Variants in SLC8A1 observed in about 807,000 individuals in gnomAD.
The protein encoded by SLC8A1 is sodium/calcium exchanger 1.
SLC8A1 carries 18 observed loss-of-function variants against 68.3 expected under a neutral mutation model. That is an observed-to-expected ratio of 0.26 (90% CI 0.18 to 0.39). The LOEUF (loss-of-function observed/expected upper bound fraction) is 0.39, where lower values mean the gene tolerates loss of function less well. Ranked by LOEUF, SLC8A1 falls within the 10% of genes least tolerant of loss-of-function variation. SLC8A1 has a pLI of 1.00. For synonymous variants in SLC8A1, 475 were observed against 415.5 expected (o/e 1.14, Z -1.74); for missense variants, 985 against 1,156.7 (o/e 0.85, Z 2.15).
intron 4 of SLC8A1, among the ~76,000 whole-genome samples, chr2:40,172,822 G>T (rs2047748846): frequency 6.6e-6 from 1 of 152,060 alleles, no homozygotes. Context: ...CGTGCCTGTA[G>T]TCCCAGACAC....
intron 2 of SLC8A1, among the ~76,000 whole-genome samples, chr2:40,374,434 T>G (rs1021879710): frequency 6.6e-6 from 1 of 151,800 alleles, no homozygotes; most frequent in Non-Finnish European, 1.5e-5. Context: ...AATTTATATA[T>G]GGAAAGGACT....
At chr2:40,456,736 C>G (rs1228911177), upstream of SLC8A1, among the ~76,000 whole-genome samples, 1 of 152,172 alleles carries the variant, frequency 6.6e-6, no homozygotes, top group East Asian at 1.9e-4. Flanking sequence ...GTTATTATTA[C>G]TGGTAAAGTT....
At chr2:40,125,690 G>C (rs1044569196) in intron 7 of SLC8A1, among the ~76,000 whole-genome samples, 1 of 151,812 alleles carries the variant, frequency 6.6e-6, no homozygotes, top group Non-Finnish European at 1.5e-5. Context: ...GAGATGTTTG[G>C]GAAGGGATTG....
chr2:40,193,647 A>T (rs2052338040), intron 2 of SLC8A1, among the ~76,000 whole-genome samples: 1 of 152,154 alleles, frequency 6.6e-6, no homozygotes, highest in Non-Finnish European at 1.5e-5. Flanking sequence ...ATGTGGGCAT[A>T]ATTTTGCAAG....
At chr2:40,462,001 CTTTTTTTTT>C (rs370223854) in intron 1 of SLC8A1, among the ~76,000 whole-genome samples, 1 of 66,174 alleles carries the variant, frequency 1.5e-5, no homozygotes, top group Non-Finnish European at 2.9e-5. Flanking sequence ...TAAAATCCTC[CTTTTTTTTT>C]TTTTTTTTTT....
At chr2:40,471,748 CA>C (rs1704000807) in intron 1 of SLC8A1, among the ~76,000 whole-genome samples, 1 of 152,234 alleles carries the variant, frequency 6.6e-6, no homozygotes, top group South Asian at 2.1e-4. Flanking sequence ...TAAATGGAAA[CA>C]AATTTTTTGA....
At chr2:40,265,818 T>C (rs2065288659) in intron 2 of SLC8A1, among the ~76,000 whole-genome samples, 1 of 152,058 alleles carries the variant, frequency 6.6e-6, no homozygotes, top group African/African-American at 2.4e-5. Flanking sequence ...AACACTTCTA[T>C]AGCATGCAAT....
intron 1 of SLC8A1, among the ~76,000 whole-genome samples, chr2:40,437,430 C>G (rs2149813889): frequency 6.6e-6 from 1 of 152,190 alleles, no homozygotes; most frequent in Admixed American, 6.5e-5. Flanking sequence ...GAAAGATGAT[C>G]CATGTGAAGG....
At chr2:40,382,686 G>A (rs570376606) in intron 2 of SLC8A1, among the ~76,000 whole-genome samples, 13 of 151,786 alleles carry the variant, frequency 8.6e-5, no homozygotes, top group Non-Finnish European at 1.9e-4. Flanking sequence ...GTATATTATA[G>A]GTATGGTTTG....
At chr2:40,503,967 T>A (rs1706204540) in intron 1 of SLC8A1, among the ~76,000 whole-genome samples, 1 of 152,170 alleles carries the variant, frequency 6.6e-6, no homozygotes, top group Middle Eastern at 3.4e-3. Flanking sequence ...CTAAAATTTA[T>A]GTGAGACTAC....
intron 1 of SLC8A1, among the ~76,000 whole-genome samples, chr2:40,475,550 T>C (rs1402091150): frequency 6.6e-6 from 1 of 152,146 alleles, no homozygotes; most frequent in Non-Finnish European, 1.5e-5. Flanking sequence ...TAATTCATTT[T>C]TAAATAATAA....
At chr2:40,228,577 C>G (rs143610118) in intron 2 of SLC8A1, among the ~76,000 whole-genome samples, 177 of 152,262 alleles carry the variant, frequency 1.2e-3, no homozygotes, top group South Asian at 2.5e-3. Context: ...GTTGGCATCA[C>G]TGAACTTCAT....
rs144865460 is a variant in SLC8A1, at chr2:40,168,763, A to C, written c.1931-3779T>G. ...CTTTACTTCTGCAGAGTGAGATAAT[A>C]TGCTGTGGTTTTAGTTTTCTCAGAT... On this transcript the variant is annotated intron_variant, in intron 4 of 7. Transcript: ENST00000406785. Among the ~76,000 whole-genome samples the C allele has an allele frequency of 7.2e-4, 109 of 152,326 alleles. No individual in the cohort carries two copies. In the East Asian group the frequency reaches 0.017, roughly 24 times the overall value.
intron 2 of SLC8A1, among the ~76,000 whole-genome samples, chr2:40,340,903 T>C (rs968586626): frequency 1.3e-5 from 2 of 152,202 alleles, no homozygotes; most frequent in Admixed American, 1.3e-4. Context: ...TGGAGACTTG[T>C]ACTAAAGGCT....
chr2:40,452,475 G>C (rs1001923683), upstream of SLC8A1, among the ~76,000 whole-genome samples: 1 of 152,116 alleles, frequency 6.6e-6, no homozygotes, highest in South Asian at 2.1e-4. Flanking sequence ...TCGATGACAC[G>C]CGCACACAGG....
At position 40,486,352 on chromosome 2, in the gene SLC8A1, T is replaced by A. The variant is rs546474574; in HGVS notation, c.-25+25997A>T. Among the ~76,000 whole-genome samples, 4 of 152,276 alleles carry A rather than the reference T, an allele frequency of 2.6e-5. No individual in the cohort carries two copies. The East Asian group carries it at 7.7e-4, about 29-fold the overall frequency. On this transcript the variant is annotated intron_variant, in intron 1 of 7. Transcript: ENST00000402441. ...AAATACACTTATGATACAAAAGAAA[T>A]AATATGCTGTGAAAGAGAGTACTGA...
In SLC8A1 at chr2:40,247,880, A is replaced by G. The variant is rs536692486; in HGVS notation, c.1809-70025T>C. 5.9e-5 allele frequency among the ~76,000 whole-genome samples: 9 copies of G among 152,292 alleles called. No homozygotes were observed. In the South Asian group the frequency reaches 1.2e-3, roughly 21 times the overall value. On this transcript the variant is annotated intron_variant, in intron 2 of 7. Transcript: ENST00000406785. ...AGAACAGGACTCCACGTTCAATGCT[A>G]TGTTCACTATTACCTGAAATAGACT...
intron 2 of SLC8A1, among the ~76,000 whole-genome samples, chr2:40,281,234 T>C (rs1432888535): frequency 6.6e-6 from 1 of 151,418 alleles, no homozygotes; most frequent in African/African-American, 2.5e-5. Context: ...TGAGACATTT[T>C]TGTGGTCATG....
intron 2 of SLC8A1, chr2:40,209,214 C>G (rs914792398): frequency 1.2e-4 from 19 of 152,050 alleles, no homozygotes; most frequent in African/African-American, 4.6e-4. Flanking sequence ...ATAGGATCAT[C>G]AAGGTAGGCC....
Sources: gnomAD v4.1 joint callset for allele counts (sites outside exome capture counted in the v4.1 genomes callset) on GRCh38, gnomAD v4.1.1 for gene constraint, MANE v1.5 for transcripts, NCBI Gene and HGNC (gene_info 2026-07-23, HGNC 2026-07-21) for gene names.